The following SH3BGRL variants were observed in gnomAD, a reference collection of about 807,000 sequenced individuals.
The protein encoded by SH3BGRL is adapter SH3BGRL.
SH3BGRL carries 7 observed loss-of-function variants against 9.8 expected under a neutral mutation model. The ratio of observed to expected loss-of-function variants is 0.72; its 90% CI spans 0.41 to 1.35. The LOEUF is 1.35. Among genes scored for constraint, SH3BGRL ranks in the 40% most tolerant of loss-of-function variants. SH3BGRL has a pLI of 0.01. For synonymous variants in SH3BGRL, 36 were observed against 29.1 expected (o/e 1.24, Z -0.76); for missense variants, 73 against 84.4 (o/e 0.86, Z 0.53).
chrX:81,227,682 AAAT>A (rs1180520582), intron 1 of SH3BGRL, among the ~76,000 whole-genome samples: 4 of 112,310 alleles, frequency 3.6e-5, no homozygotes, highest in African/African-American at 1.3e-4. Flanking sequence ...TTTAAGTTTT[AAAT>A]AATAATAACA....
intron 1 of SH3BGRL, among the ~76,000 whole-genome samples, chrX:81,257,844 T>C (rs767518718): frequency 3.6e-5 from 4 of 110,304 alleles, no homozygotes; most frequent in Admixed American, 9.8e-5. Flanking sequence ...CCACAATCTG[T>C]AATTGTTCCA....
At chrX:81,202,361 C>T in intron 1 of SH3BGRL, 116 bp downstream of exon 1, 1 of 968,463 alleles carries the variant, frequency 1.0e-6, no homozygotes. Context: ...AAGACTCATG[C>T]ATCCCCGATC....
At chrX:81,260,085 C>T (rs1220343673) in intron 1 of SH3BGRL, among the ~76,000 whole-genome samples, 1 of 111,300 alleles carries the variant, frequency 9.0e-6, no homozygotes, top group Non-Finnish European at 1.9e-5. Flanking sequence ...CTCAAAATAA[C>T]CAACAGGTAT....
intron 1 of SH3BGRL, among the ~76,000 whole-genome samples, chrX:81,229,018 A>T (rs1322959407): frequency 8.9e-6 from 1 of 111,969 alleles, no homozygotes; most frequent in Non-Finnish European, 1.9e-5. Context: ...AGAAAATTGG[A>T]TAGCTCCTTT....
intron 1 of SH3BGRL, among the ~76,000 whole-genome samples, chrX:81,264,480 T>G (rs916246552): frequency 2.7e-5 from 3 of 112,084 alleles, no homozygotes; most frequent in African/African-American, 6.5e-5. Context: ...AATGTTAGTC[T>G]TCTGTCCGTA....
intron 1 of SH3BGRL, among the ~76,000 whole-genome samples, chrX:81,245,730 T>C (rs2075686444): frequency 8.9e-6 from 1 of 112,066 alleles, no homozygotes; most frequent in Non-Finnish European, 1.9e-5. Flanking sequence ...CAGTCCATCA[T>C]TGATGGGCAC....
At chrX:81,276,686 G>T (rs1469761902) in intron 1 of SH3BGRL, among the ~76,000 whole-genome samples, 1 of 110,976 alleles carries the variant, frequency 9.0e-6, no homozygotes, top group Non-Finnish European at 1.9e-5. Flanking sequence ...ATAATTTGGA[G>T]TTAACTGCAT....
At chrX:81,212,349 A>G (rs1444955046) in intron 1 of SH3BGRL, among the ~76,000 whole-genome samples, 2 of 112,142 alleles carry the variant, frequency 1.8e-5, no homozygotes, top group Non-Finnish European at 3.8e-5. Context: ...GTAACAAGAC[A>G]AACACCTGGT....
intron 1 of SH3BGRL, among the ~76,000 whole-genome samples, chrX:81,206,062 G>T (rs968340161): frequency 9.0e-6 from 1 of 111,207 alleles, no homozygotes; most frequent in Admixed American, 9.6e-5. Flanking sequence ...TGGATTATTT[G>T]TTTTTTTGTG....
At chrX:81,254,899 T>TG (rs1237127826) in intron 1 of SH3BGRL, among the ~76,000 whole-genome samples, 2 of 108,050 alleles carry the variant, frequency 1.9e-5, no homozygotes, top group African/African-American at 6.8e-5. Flanking sequence ...AAGTTTTTTT[T>TG]TTTTTTTTTT....
chrX:81,206,017 A>G (rs781580455), intron 1 of SH3BGRL, among the ~76,000 whole-genome samples: 8 of 111,504 alleles, frequency 7.2e-5, no homozygotes, highest in African/African-American at 2.3e-4. Context: ...TCTTTTGTGA[A>G]ATGTTTATTG....
At chrX:81,202,793 CT>C (rs1421076444) in intron 1 of SH3BGRL, 1 of 116,231 alleles carries the variant, frequency 8.6e-6, no homozygotes, top group Non-Finnish European at 1.7e-5. Context: ...GCTTGAAGGC[CT>C]GTTAGAACTA....
At chrX:81,257,314 G>A (rs1219992906) in intron 1 of SH3BGRL, among the ~76,000 whole-genome samples, 1 of 112,148 alleles carries the variant, frequency 8.9e-6, no homozygotes, top group East Asian at 2.8e-4. Context: ...GATAAATGGA[G>A]GATTTGAGAT....
intron 1 of SH3BGRL, among the ~76,000 whole-genome samples, chrX:81,245,087 A>T (rs2075684215): frequency 8.9e-6 from 1 of 112,222 alleles, no homozygotes; most frequent in Admixed American, 9.4e-5. Context: ...GGATTGAAAG[A>T]TGAAAATACT....
intron 1 of SH3BGRL, among the ~76,000 whole-genome samples, chrX:81,275,392 C>A (rs1461516939): frequency 9.0e-6 from 1 of 111,453 alleles, no homozygotes; most frequent in East Asian, 2.8e-4. Context: ...AGCCACCGTG[C>A]CCAGCCTTGA....
intron 1 of SH3BGRL, among the ~76,000 whole-genome samples, chrX:81,262,760 G>A (rs146442309): frequency 7.1e-4 from 79 of 111,838 alleles, no homozygotes; most frequent in African/African-American, 2.3e-3. Context: ...TACTATATTC[G>A]CAAATTTTCT....
At chrX:81,265,785 C>A (rs1327403269) in intron 1 of SH3BGRL, among the ~76,000 whole-genome samples, 1 of 112,247 alleles carries the variant, frequency 8.9e-6, no homozygotes, top group Non-Finnish European at 1.9e-5. Flanking sequence ...AATCACCACA[C>A]TGTTTTCCAC....
chrX:81,249,601 A>T (rs2075702598), intron 1 of SH3BGRL, among the ~76,000 whole-genome samples: 1 of 112,189 alleles, frequency 8.9e-6, no homozygotes, highest in Admixed American at 9.5e-5. Context: ...AAAGTTTTAC[A>T]TGCCTATGGT....
chrX:81,225,591 C>CT (rs1271805785), intron 1 of SH3BGRL, among the ~76,000 whole-genome samples: 1 of 111,502 alleles, frequency 9.0e-6, no homozygotes, highest in East Asian at 2.8e-4. Flanking sequence ...TGATTTCATT[C>CT]TTTTTTGTGG....
Sources: gnomAD v4.1 joint callset for allele counts (sites outside exome capture counted in the v4.1 genomes callset) on GRCh38, gnomAD v4.1.1 for gene constraint, MANE v1.5 for transcripts, NCBI Gene and HGNC (gene_info 2026-07-23, HGNC 2026-07-21) for gene names.